Variants in GRM8 observed in about 807,000 individuals in gnomAD.
GRM8 encodes the protein glutamate metabotropic receptor 8.
Under a neutral mutation model 87.2 loss-of-function variants are expected in GRM8, and 47 were observed. The ratio of observed to expected loss-of-function variants is 0.54; its 90% CI spans 0.43 to 0.69. GRM8 has a LOEUF of 0.69. GRM8 is among the 30% of genes least tolerant of loss of function. The pLI is 0.00. For missense variants in GRM8, 1,019 were observed against 1,139.2 expected (o/e 0.89, Z 1.52); for synonymous variants, 396 against 404.5 (o/e 0.98, Z 0.25).
At chr7:127,057,436 T>C (rs1245275156) in intron 3 of GRM8, among the ~76,000 whole-genome samples, 2 of 151,980 alleles carry the variant, frequency 1.3e-5, no homozygotes, top group Admixed American at 6.5e-5. Context: ...ATACATCATA[T>C]AGTTTGTCCA....
intron 7 of GRM8, among the ~76,000 whole-genome samples, chr7:126,712,114 C>A (rs1811167262): frequency 1.3e-5 from 2 of 152,194 alleles, no homozygotes. Context: ...GGCTTCCTTA[C>A]TAAGCTTTTG....
chr7:126,996,661 A>T (rs1813206683), intron 3 of GRM8, among the ~76,000 whole-genome samples: 1 of 152,120 alleles, frequency 6.6e-6, no homozygotes, highest in South Asian at 2.1e-4. Context: ...ATATCTCATA[A>T]AATAAATTTA....
chr7:127,148,918 A>G (rs1354628072), intron 2 of GRM8, among the ~76,000 whole-genome samples: 1 of 152,062 alleles, frequency 6.6e-6, no homozygotes, highest in Admixed American at 6.6e-5. Context: ...TTTATCTTAC[A>G]CCACACACAA....
intron 6 of GRM8, among the ~76,000 whole-genome samples, chr7:126,781,930 G>T (rs534617042): frequency 6.6e-6 from 1 of 152,040 alleles, no homozygotes; most frequent in South Asian, 2.1e-4. Context: ...TTCCCAGGCT[G>T]GTTTTAAACT....
chr7:126,860,079 T>C (rs1473522238), intron 6 of GRM8, among the ~76,000 whole-genome samples: 1 of 152,204 alleles, frequency 6.6e-6, no homozygotes, highest in Admixed American at 6.5e-5. Context: ...GTCCCATTTT[T>C]GCAGACTGAA....
In GRM8 at chr7:126,533,591, G is replaced by A. The variant is rs1183969761; in HGVS notation, c.1791C>T (p.Ala597=). 1.2e-6 allele frequency: 2 copies of A among 1,614,066 alleles called. No homozygotes were observed. The highest frequency in any genetic ancestry group is 1.7e-5 in the Admixed American group (1 of 60,016). ...CAAAGGTCACGATCACAAAGGTGGT[G>A]GCGATGATTCCCAATATTGCAACAA... The part of the protein sequence containing the change: ...PVFVAILGII[A]TTFVIVTFVR... The change falls in exon 9 of 11, where the codon GCC becomes GCT. Residue 597 remains alanine (A), a synonymous_variant. Transcript: ENST00000339582.
intron 8 of GRM8, among the ~76,000 whole-genome samples, chr7:126,545,356 A>C (rs1382960751): frequency 6.6e-6 from 1 of 152,214 alleles, no homozygotes; most frequent in East Asian, 1.9e-4. Flanking sequence ...CTTTTCCCTT[A>C]AATTTTAACT....
intron 9 of GRM8, among the ~76,000 whole-genome samples, chr7:126,474,409 C>A (rs1284352357): frequency 1.3e-5 from 2 of 152,122 alleles, no homozygotes; most frequent in African/African-American, 2.4e-5. Flanking sequence ...GCTGGGACTA[C>A]AAGCATAGGC....
At position 127,252,058 on chromosome 7, in the gene GRM8, G is replaced by A. The variant is rs1051045362; in HGVS notation, c.-312+739C>T. 4.6e-5 allele frequency: 7 copies of A among 152,138 alleles called. No homozygotes were observed. The highest frequency in any genetic ancestry group is 8.8e-5 in the Non-Finnish European group (6 of 68,062). The allele number at this position is 152,138 out of a possible 1,614,324, so 9.4% of individuals were successfully genotyped here. A position where few individuals can be genotyped will look rare whatever the true frequency, so the allele number is the denominator to read the frequency against. On this transcript the variant is annotated intron_variant, in intron 1 of 10. Transcript: ENST00000339582. The surrounding 1 kb of genome is among the most constrained non-coding windows in gnomAD (Gnocchi z 4.9). ...TCCAGCCCACGCTCAGAGGGCGGGG[G>A]TTACCCCGACTCATCCCGGAAGCCG...
At chr7:126,829,818 C>T (rs2130381351) in intron 6 of GRM8, among the ~76,000 whole-genome samples, 1 of 152,154 alleles carries the variant, frequency 6.6e-6, no homozygotes, top group South Asian at 2.1e-4. Context: ...TATATTTTGG[C>T]ATGATTTTGC....
intron 3 of GRM8, among the ~76,000 whole-genome samples, chr7:126,933,042 T>A (rs1046408668): frequency 6.6e-6 from 1 of 152,172 alleles, no homozygotes; most frequent in African/African-American, 2.4e-5. Context: ...TGAGGATGAC[T>A]CTGATAGTGA....
At chr7:126,684,347 T>G (rs1459766428) in intron 7 of GRM8, among the ~76,000 whole-genome samples, 1 of 152,164 alleles carries the variant, frequency 6.6e-6, no homozygotes, top group African/African-American at 2.4e-5. Context: ...CAGTGATTCT[T>G]GCTGTAACTT....
intron 10 of GRM8, among the ~76,000 whole-genome samples, chr7:126,444,144 T>G (rs1333596842): frequency 1.3e-5 from 2 of 151,798 alleles, no homozygotes; most frequent in African/African-American, 4.8e-5. Flanking sequence ...GAAGTGCCAG[T>G]GTTCAAATTA....
chr7:127,157,009 T>C (rs906408480), intron 2 of GRM8, among the ~76,000 whole-genome samples: 2 of 152,132 alleles, frequency 1.3e-5, no homozygotes, highest in African/African-American at 4.8e-5. Context: ...CTGTGGAATA[T>C]ACAAGTGTCC....
intron 3 of GRM8, among the ~76,000 whole-genome samples, chr7:127,019,432 A>G (rs1386156667): frequency 6.6e-6 from 1 of 152,130 alleles, no homozygotes; most frequent in Admixed American, 6.6e-5. Flanking sequence ...ATTATTTATC[A>G]TAAGTAACAT....
chr7:126,928,576 G>A (rs1224678138), intron 3 of GRM8, among the ~76,000 whole-genome samples: 5 of 151,818 alleles, frequency 3.3e-5, no homozygotes, highest in Non-Finnish European at 5.9e-5. Flanking sequence ...GGGGGCTGAC[G>A]TGGGAGGATC....
In GRM8 at chr7:126,538,868, T is replaced by C. The variant is rs533630322; in HGVS notation, c.1495-4981A>G. The stretch of plus-strand genomic sequence containing the variant: ...CATGATTCACACATGAATGAGTACA[T>C]GTTGCACAGTTAATCTGATAACAGA... On this transcript the variant is annotated intron_variant, in intron 8 of 10. Coordinates refer to ENST00000339582, the MANE Select transcript of GRM8 (RefSeq NM_000845.3). Among the ~76,000 whole-genome samples the C allele has an allele frequency of 1.5e-3, 229 of 152,214 alleles. 2 individuals carry two copies. The Middle Eastern group carries it at 0.017, about 11-fold the overall frequency.
At chr7:126,441,226 T>G (rs1801435715) in intron 10 of GRM8, among the ~76,000 whole-genome samples, 1 of 152,106 alleles carries the variant, frequency 6.6e-6, no homozygotes, top group African/African-American at 2.4e-5. Context: ...ACATGTGAAT[T>G]GCCAATGCAT....
At chr7:127,030,418 C>T (rs1163752098) in intron 3 of GRM8, among the ~76,000 whole-genome samples, 1 of 152,078 alleles carries the variant, frequency 6.6e-6, no homozygotes, top group Non-Finnish European at 1.5e-5. Context: ...GCCAGTAGCA[C>T]CTTCAACTTA....
Sources: gnomAD v4.1 joint callset for allele counts (sites outside exome capture counted in the v4.1 genomes callset) on GRCh38, gnomAD v4.1.1 for gene constraint, Gnocchi (gnomAD v3.1) non-coding constraint, MANE v1.5 for transcripts, NCBI Gene and HGNC (gene_info 2026-07-23, HGNC 2026-07-21) for gene names.